The following NUDCD3 variants were observed in gnomAD, a reference collection of about 807,000 sequenced individuals.
NUDCD3 encodes the protein nudC domain-containing protein 3.
In NUDCD3, 13 loss-of-function variants were observed where a neutral mutation model predicts 39.7. That is an observed-to-expected ratio of 0.33 (90% CI 0.21 to 0.52). The LOEUF is 0.52. Ranked by LOEUF, NUDCD3 falls within the 20% of genes least tolerant of loss-of-function variation. The pLI is 0.96. For synonymous variants in NUDCD3, 175 were observed against 172.4 expected (o/e 1.02, Z -0.12); for missense variants, 453 against 458.1 (o/e 0.99, Z 0.10).
chr7:44,419,937 T>G (rs1410502383), intron 3 of NUDCD3, among the ~76,000 whole-genome samples: 3 of 152,146 alleles, frequency 2.0e-5, no homozygotes, highest in African/African-American at 7.2e-5. Flanking sequence ...AGAATGCCTC[T>G]TCTCCTCCAA....
At chr7:44,488,420 C>A (rs1800663460) in intron 1 of NUDCD3, among the ~76,000 whole-genome samples, 1 of 151,956 alleles carries the variant, frequency 6.6e-6, no homozygotes, top group Non-Finnish European at 1.5e-5. Context: ...AACATGACAC[C>A]TCTCTTAAGC....
In NUDCD3 at chr7:44,383,909, T is replaced by A. The variant is rs1798351913; in HGVS notation, c.*2102A>T. ...TCCACAACCACACCAAGCACCGCAGTGTGGCACCGGGACCAGATGCAAGTG... is the reference window on the plus strand; with the variant it reads ...TCCACAACCACACCAAGCACCGCAGAGTGGCACCGGGACCAGATGCAAGTG... On this transcript the variant is annotated 3_prime_UTR_variant, in exon 6 of 6. Transcript: ENST00000355451. 6.6e-6 allele frequency: 1 copy of A among 152,224 alleles called. No homozygotes were observed. Among genetic ancestry groups the A allele is most frequent in the South Asian group, 2.1e-4 (1 of 4,830 alleles). 9.4% of individuals were successfully genotyped at this position (152,224 alleles called of 1,614,324 possible).
intron 2 of NUDCD3, among the ~76,000 whole-genome samples, chr7:44,472,292 A>G (rs535547447): frequency 6.6e-6 from 1 of 152,362 alleles, no homozygotes; most frequent in East Asian, 1.9e-4. Context: ...CTGCACTCCT[A>G]GAAAATCCAA....
chr7:44,457,731 C>T (rs778185604), intron 2 of NUDCD3, among the ~76,000 whole-genome samples: 3 of 152,046 alleles, frequency 2.0e-5, no homozygotes, highest in Non-Finnish European at 4.4e-5. Context: ...TAGCCAATAA[C>T]GCACATGAAA....
chr7:44,452,681 G>C (rs1416385376), intron 2 of NUDCD3, among the ~76,000 whole-genome samples: 3 of 152,204 alleles, frequency 2.0e-5, no homozygotes, highest in African/African-American at 7.2e-5. Context: ...TTTGTGATGA[G>C]TGGTTTGATT....
chr7:44,450,119 T>C (rs949991276), intron 2 of NUDCD3, among the ~76,000 whole-genome samples: 1 of 152,052 alleles, frequency 6.6e-6, no homozygotes, highest in African/African-American at 2.4e-5. Context: ...TTATTGCTTA[T>C]TAGGGAACTG....
intron 3 of NUDCD3, 66 bp downstream of exon 3, chr7:44,427,505 T>C: frequency 1.3e-6 from 2 of 1,549,626 alleles, no homozygotes; most frequent in Admixed American, 1.9e-5. Context: ...TGCTGGTGGG[T>C]CTTCCCTGCA....
At chr7:44,417,263 G>C (rs777403407) in intron 3 of NUDCD3, among the ~76,000 whole-genome samples, 2 of 152,138 alleles carry the variant, frequency 1.3e-5, no homozygotes, top group Non-Finnish European at 2.9e-5. Context: ...TTTGAGAGAG[G>C]TGTAAATCTG....
chr7:44,411,148 A>T (rs770716093), intron 3 of NUDCD3, among the ~76,000 whole-genome samples: 1 of 152,234 alleles, frequency 6.6e-6, no homozygotes, highest in Non-Finnish European at 1.5e-5. Flanking sequence ...ACTATTTCAT[A>T]GCATATAATA....
intron 2 of NUDCD3, among the ~76,000 whole-genome samples, chr7:44,480,589 C>T (rs1265562260): frequency 2.0e-5 from 3 of 152,078 alleles, no homozygotes; most frequent in Admixed American, 2.0e-4. Flanking sequence ...GGTTCCATAG[C>T]CCAAATCAAA....
chr7:44,463,625 G>A (rs967310319), intron 2 of NUDCD3, among the ~76,000 whole-genome samples: 1 of 152,056 alleles, frequency 6.6e-6, no homozygotes, highest in Non-Finnish European at 1.5e-5. Flanking sequence ...CCTCCAAGTG[G>A]TGTGAGAGGA....
intron 2 of NUDCD3, among the ~76,000 whole-genome samples, chr7:44,483,840 T>G (rs1045686660): frequency 1.3e-5 from 2 of 152,132 alleles, no homozygotes; most frequent in Non-Finnish European, 2.9e-5. Flanking sequence ...GGCAGACATC[T>G]CTACAAAAAA....
intron 3 of NUDCD3, among the ~76,000 whole-genome samples, chr7:44,426,551 C>T: frequency 6.6e-6 from 1 of 152,160 alleles, no homozygotes; most frequent in East Asian, 1.9e-4. Context: ...AATCCCAGCA[C>T]TTTGGGAGGC....
At chr7:44,468,062 C>A (rs1264695479) in intron 2 of NUDCD3, 8 of 1,612,328 alleles carry the variant, frequency 5.0e-6, no homozygotes, top group Non-Finnish European at 6.8e-6. Context: ...GATCTTGATG[C>A]CCAACATTGG....
At chr7:44,428,883 A>C (rs369127928) in intron 2 of NUDCD3, among the ~76,000 whole-genome samples, 1 of 152,206 alleles carries the variant, frequency 6.6e-6, no homozygotes, top group Non-Finnish European at 1.5e-5. Flanking sequence ...ATCTCAGTCA[A>C]CTTCTCCAGG....
At chr7:44,475,041 T>C (rs1403347452) in intron 2 of NUDCD3, among the ~76,000 whole-genome samples, 1 of 152,170 alleles carries the variant, frequency 6.6e-6, no homozygotes. Flanking sequence ...CTATGCAGCA[T>C]ATGCCCTCAT....
chr7:44,439,572 G>A (rs1563177724), intron 2 of NUDCD3, among the ~76,000 whole-genome samples: 1 of 150,778 alleles, frequency 6.6e-6, no homozygotes, highest in South Asian at 2.1e-4. Context: ...GAATCCTGTA[G>A]TGCCAAAAAG....
chr7:44,490,146 G>C (rs980156875), intron 1 of NUDCD3: 8 of 398,286 alleles, frequency 2.0e-5, no homozygotes, highest in Admixed American at 4.4e-5. Flanking sequence ...CACCGTGAGG[G>C]GTACGCGCTG....
chr7:44,431,908 G>A (rs1799371168), intron 2 of NUDCD3, among the ~76,000 whole-genome samples: 1 of 152,100 alleles, frequency 6.6e-6, no homozygotes, highest in African/African-American at 2.4e-5. Context: ...CTGACCTGAA[G>A]TGATCTGCCT....
Sources: gnomAD v4.1 joint callset for allele counts (sites outside exome capture counted in the v4.1 genomes callset) on GRCh38, gnomAD v4.1.1 for gene constraint, MANE v1.5 for transcripts, NCBI Gene and HGNC (gene_info 2026-07-23, HGNC 2026-07-21) for gene names.